Variants in PIK3C2G observed in about 807,000 individuals in gnomAD.
PIK3C2G encodes phosphatidylinositol-4-phosphate 3-kinase catalytic subunit type 2 gamma, also known as phosphatidylinositol 3-kinase C2 domain-containing subunit gamma.
PIK3C2G carries 168 observed loss-of-function variants against 181.1 expected under a neutral mutation model. That is an observed-to-expected ratio of 0.93 (90% confidence interval 0.82 to 1.05). The LOEUF (loss-of-function observed/expected upper bound fraction) is 1.05, where lower values mean the gene tolerates loss of function less well. PIK3C2G is among the 50% of genes least tolerant of loss of function. The pLI, the probability that PIK3C2G is intolerant of heterozygous loss-of-function variation, is 0.00. For missense variants in PIK3C2G, 1,869 were observed against 1,732.8 expected (o/e 1.08, Z -1.40); for synonymous variants, 573 against 592.2 (o/e 0.97, Z 0.47).
At chr12:18,697,980 A>G in the PIK3C2G span, among the ~76,000 whole-genome samples, 11 of 151,950 alleles carry the variant, frequency 7.2e-5, no homozygotes, top group East Asian at 2.1e-3. Flanking sequence ...TTCCTTTCCA[A>G]AATTTTTGCA....
chr12:18,504,906 G>A (rs1201302095), intron 23 of PIK3C2G, among the ~76,000 whole-genome samples: 1 of 151,946 alleles, frequency 6.6e-6, no homozygotes, highest in East Asian at 1.9e-4. Flanking sequence ...AAATTCCTCT[G>A]GGAATAGGCA....
At chr12:18,491,623 ATGTT>A in intron 20 of PIK3C2G, 65 bp downstream of exon 20, 1 of 870,652 alleles carries the variant, frequency 1.1e-6, no homozygotes, top group African/African-American at 1.7e-5. Context: ...TTCATTGTAT[ATGTT>A]TGAAATGGCA....
the PIK3C2G span, among the ~76,000 whole-genome samples, chr12:18,656,634 G>A: frequency 6.6e-6 from 1 of 152,108 alleles, no homozygotes; most frequent in East Asian, 1.9e-4. Context: ...TACTTGGGAA[G>A]CTCAGGTGGA....
intron 5 of PIK3C2G, among the ~76,000 whole-genome samples, chr12:18,309,764 A>G (rs1354062226): frequency 1.3e-5 from 2 of 151,930 alleles, no homozygotes; most frequent in African/African-American, 4.8e-5. Context: ...TATTTCCTAC[A>G]AGTGCATGTA....
intron 13 of PIK3C2G, among the ~76,000 whole-genome samples, chr12:18,378,759 A>G (rs1027250288): frequency 3.9e-5 from 6 of 152,266 alleles, no homozygotes; most frequent in Non-Finnish European, 8.8e-5. Context: ...ACACACATGA[A>G]AAAATGCTCA....
At chr12:18,617,417 G>C (rs1025025341) in intron 31 of PIK3C2G, among the ~76,000 whole-genome samples, 1 of 152,080 alleles carries the variant, frequency 6.6e-6, no homozygotes, top group Non-Finnish European at 1.5e-5. Context: ...CCTATACCAT[G>C]TATGCCAAGA....
intron 22 of PIK3C2G, among the ~76,000 whole-genome samples, chr12:18,501,638 A>G (rs1414145614): frequency 1.3e-5 from 2 of 152,250 alleles, no homozygotes; most frequent in Non-Finnish European, 2.9e-5. Context: ...ATAGTGTATG[A>G]TATATACTAG....
chr12:18,651,306 T>G (rs10743279), downstream of PIK3C2G, among the ~76,000 whole-genome samples: 100,766 of 151,532 alleles, frequency 0.66, 33,812 homozygotes, highest in East Asian at 0.89. Context: ...GTCTCTGCCC[T>G]GCCTACCTTG....
intron 24 of PIK3C2G, among the ~76,000 whole-genome samples, chr12:18,526,521 CT>C (rs1263089085): frequency 6.6e-6 from 1 of 152,272 alleles, no homozygotes. Context: ...ATCACGTTTA[CT>C]TTCCTTGACC....
intron 18 of PIK3C2G, among the ~76,000 whole-genome samples, chr12:18,453,920 A>C (rs1039854190): frequency 6.6e-6 from 1 of 152,154 alleles, no homozygotes; most frequent in Admixed American, 6.6e-5. Flanking sequence ...AAGAGCCAAA[A>C]GTTGGCTTAA....
chr12:18,365,094 A>T (rs1318364064), intron 12 of PIK3C2G, among the ~76,000 whole-genome samples: 1 of 152,202 alleles, frequency 6.6e-6, no homozygotes, highest in African/African-American at 2.4e-5. Context: ...GCTAGTTCTG[A>T]TACTTACTGA....
At chr12:18,575,491 A>C (rs1005099873) in intron 29 of PIK3C2G, among the ~76,000 whole-genome samples, 1 of 152,176 alleles carries the variant, frequency 6.6e-6, no homozygotes, top group Non-Finnish European at 1.5e-5. Flanking sequence ...GTATTCTATT[A>C]TATTATTGAT....
At chr12:18,670,884 A>G in the PIK3C2G span, among the ~76,000 whole-genome samples, 1 of 152,136 alleles carries the variant, frequency 6.6e-6, no homozygotes, top group African/African-American at 2.4e-5. Context: ...ATTATTTAAG[A>G]AAACAAACAC....
At chr12:18,570,336 G>GATATAGATAGATACA (rs1555132238) in intron 29 of PIK3C2G, among the ~76,000 whole-genome samples, 12 of 150,930 alleles carry the variant, frequency 8.0e-5, no homozygotes, top group African/African-American at 2.5e-4. Flanking sequence ...AGCCTCCCCA[G>GATATAGATAGATACA]TAGCTGGGAT....
intron 29 of PIK3C2G, among the ~76,000 whole-genome samples, chr12:18,590,117 G>GTTT (rs35341019): frequency 1.4e-5 from 2 of 141,944 alleles, no homozygotes; most frequent in East Asian, 2.1e-4. Context: ...TAAATTCAGA[G>GTTT]TTTTTTTTTT....
intron 13 of PIK3C2G, 64 bp from the exon 14 acceptor site, chr12:18,381,702 A>G: frequency 2.2e-6 from 2 of 926,654 alleles, no homozygotes; most frequent in Non-Finnish European, 3.6e-6. Context: ...AAACATTTAC[A>G]GATAATTATA....
chr12:18,500,248 C>A lies in PIK3C2G; in HGVS notation c.3016+2500C>A, dbSNP rs541484626. Among the ~76,000 whole-genome samples, 8 of 151,692 alleles carry A rather than the reference C, an allele frequency of 5.3e-5. No homozygotes were observed. In the South Asian group the frequency reaches 1.7e-3, roughly 32 times the overall value. On this transcript the variant is annotated intron_variant, in intron 22 of 32. Coordinates refer to ENST00000538779, the MANE Select transcript of PIK3C2G (RefSeq NM_001288772.2). Reference sequence around the variant, plus strand: ...CGGGCCCCGCACTCGGAGCGGCCGGCCGGCCCTGCCGGCCCGGGCAATGAG... The same window carrying A: ...CGGGCCCCGCACTCGGAGCGGCCGGACGGCCCTGCCGGCCCGGGCAATGAG...
the PIK3C2G span, chr12:18,723,570 C>A: frequency 2.7e-5 from 41 of 1,516,764 alleles, no homozygotes; most frequent in South Asian, 4.4e-4. Context: ...GGTGGGCTCA[C>A]ATTGTGAGTA....
chr12:18,357,077 C>T (rs944452568), intron 11 of PIK3C2G, among the ~76,000 whole-genome samples: 4 of 151,962 alleles, frequency 2.6e-5, no homozygotes, highest in African/African-American at 9.7e-5. Flanking sequence ...GGCAACAGTA[C>T]ATATAAAAGA....
Sources: gnomAD v4.1 joint callset for allele counts (sites outside exome capture counted in the v4.1 genomes callset) on GRCh38, gnomAD v4.1.1 for gene constraint, MANE v1.5 for transcripts, NCBI Gene and HGNC (gene_info 2026-07-23, HGNC 2026-07-21) for gene names.